The following TTC29 variants were observed in gnomAD, a reference collection of about 807,000 sequenced individuals.
The protein encoded by TTC29 is tetratricopeptide repeat protein 29.
A neutral mutation model predicts 58.1 loss-of-function variants in TTC29; 49 were observed. The ratio of observed to expected loss-of-function variants is 0.84; its 90% CI spans 0.67 to 1.07. The LOEUF (loss-of-function observed/expected upper bound fraction) is 1.07. TTC29 is among the 50% of genes least tolerant of loss of function. TTC29 has a pLI of 0.00. For synonymous variants in TTC29, 209 were observed against 196.8 expected, an observed-to-expected ratio of 1.06 and a Z score of -0.52; for missense variants, 582 against 555.6, an observed-to-expected ratio of 1.05 and a Z score of -0.48.
intron 8 of TTC29, among the ~76,000 whole-genome samples, chr4:146,838,691 G>A (rs373706591): frequency 2.2e-4 from 34 of 152,012 alleles, no homozygotes; most frequent in African/African-American, 7.7e-4. Context: ...TACTTAATGC[G>A]AATTTTTTTC....
chr4:146,728,806 C>T lies in TTC29; in HGVS notation c.1331-21255G>A, dbSNP rs1056274814. On this transcript the variant is annotated intron_variant, in intron 11 of 12. Transcript: ENST00000325106. ...ATGTGTATATATACGTATATATACA[C>T]ATATATATGTGTATATATACATATA... 8.4e-4 allele frequency among the ~76,000 whole-genome samples: 104 copies of T among 124,262 alleles called. 2 individuals are homozygous for T. The highest frequency in any genetic ancestry group is 9.6e-4 in the Non-Finnish European group (57 of 59,076). The allele number at this position is 124,262 out of a possible 152,430, so 81.5% of individuals were successfully genotyped here.
At chr4:146,737,532 AT>A (rs1243508318) in intron 11 of TTC29, among the ~76,000 whole-genome samples, 2 of 133,536 alleles carry the variant, frequency 1.5e-5, no homozygotes, top group East Asian at 4.6e-4. Flanking sequence ...TACGGGGCAG[AT>A]TATCTGGTCG....
At chr4:146,752,831 G>A (rs1391424559) in intron 11 of TTC29, among the ~76,000 whole-genome samples, 1 of 152,146 alleles carries the variant, frequency 6.6e-6, no homozygotes, top group Non-Finnish European at 1.5e-5. Context: ...AATGGTGATG[G>A]GAAAACTGGC....
chr4:146,864,110 C>T (rs2150204213), intron 8 of TTC29, among the ~76,000 whole-genome samples: 1 of 152,228 alleles, frequency 6.6e-6, no homozygotes. Context: ...AGCTCCAGAC[C>T]CTCATATTTA....
At chr4:146,714,671 A>C (rs1240538944) in intron 11 of TTC29, among the ~76,000 whole-genome samples, 1 of 152,160 alleles carries the variant, frequency 6.6e-6, no homozygotes, top group Non-Finnish European at 1.5e-5. Context: ...GAAGGCAAAA[A>C]TAAAGGCTTT....
Position 146,812,324 on chromosome 4 carries a change from A to T in TTC29, c.1101+7801T>A, listed in dbSNP as rs1181190852. ...ATTGTTTTAGGTGAGAGTCTTAATTAGGAAAATTAGAGACCACAAATAAGT... is the reference window on the plus strand; with the variant it reads ...ATTGTTTTAGGTGAGAGTCTTAATTTGGAAAATTAGAGACCACAAATAAGT... On this transcript the variant is annotated intron_variant, in intron 10 of 12. Coordinates refer to ENST00000325106, the MANE Select transcript of TTC29 (RefSeq NM_031956.4). Among the ~76,000 whole-genome samples the T allele has an allele frequency of 2.6e-5, 4 of 152,214 alleles. No individual in the cohort carries two copies. The South Asian group carries it at 8.3e-4, about 32-fold the overall frequency.
chr4:146,932,265 T>C (rs1735393439), intron 4 of TTC29, among the ~76,000 whole-genome samples: 1 of 152,218 alleles, frequency 6.6e-6, no homozygotes, highest in South Asian at 2.1e-4. Flanking sequence ...CAGGGGTTCT[T>C]CCTTCTCCTG....
At chr4:146,814,229 A>G (rs1751228893) in intron 10 of TTC29, among the ~76,000 whole-genome samples, 1 of 152,156 alleles carries the variant, frequency 6.6e-6, no homozygotes, top group Non-Finnish European at 1.5e-5. Flanking sequence ...TAATAAGAAA[A>G]TAACATGAAC....
At chr4:146,844,266 G>C (rs1008467761) in intron 8 of TTC29, among the ~76,000 whole-genome samples, 7 of 152,032 alleles carry the variant, frequency 4.6e-5, no homozygotes, top group African/African-American at 1.7e-4. Flanking sequence ...AAAGTAATGA[G>C]ACAAAATTTC....
At chr4:146,848,332 T>C (rs973977684) in intron 8 of TTC29, among the ~76,000 whole-genome samples, 2 of 152,166 alleles carry the variant, frequency 1.3e-5, no homozygotes, top group African/African-American at 4.8e-5. Flanking sequence ...ATTCCAATGC[T>C]AAGAAATAAT....
chr4:146,837,387 T>A (rs1194946895), intron 8 of TTC29, among the ~76,000 whole-genome samples: 1 of 151,996 alleles, frequency 6.6e-6, no homozygotes, highest in African/African-American at 2.4e-5. Flanking sequence ...AAAAGATAAC[T>A]GTTGGGTACT....
intron 11 of TTC29, among the ~76,000 whole-genome samples, chr4:146,730,051 A>T (rs1744213365): frequency 6.6e-6 from 1 of 152,086 alleles, no homozygotes; most frequent in Non-Finnish European, 1.5e-5. Flanking sequence ...TTGTACTCAC[A>T]CATCTTACCA....
intron 11 of TTC29, among the ~76,000 whole-genome samples, chr4:146,751,264 G>A (rs910180127): frequency 1.3e-5 from 2 of 152,134 alleles, no homozygotes; most frequent in Non-Finnish European, 2.9e-5. Flanking sequence ...TACAATAATA[G>A]TAGCAGATTT....
intron 11 of TTC29, among the ~76,000 whole-genome samples, chr4:146,748,058 C>T (rs1347828317): frequency 1.3e-5 from 2 of 152,224 alleles, no homozygotes; most frequent in Non-Finnish European, 2.9e-5. Flanking sequence ...CACGTCCCAC[C>T]ATTCCAGGGT....
At chr4:146,836,076 CT>C (rs758351818) in intron 8 of TTC29, among the ~76,000 whole-genome samples, 3 of 152,120 alleles carry the variant, frequency 2.0e-5, no homozygotes, top group African/African-American at 4.8e-5. Flanking sequence ...GCCAGGAAAT[CT>C]CTTTAAGTTG....
chr4:146,859,607 T>C (rs939053055), intron 8 of TTC29, among the ~76,000 whole-genome samples: 13 of 152,002 alleles, frequency 8.6e-5, no homozygotes, highest in Admixed American at 3.9e-4. Context: ...GAGGAATGGG[T>C]TGTGCAAAGT....
chr4:146,845,919 GT>G (rs1375144241), intron 8 of TTC29, among the ~76,000 whole-genome samples: 1 of 152,046 alleles, frequency 6.6e-6, no homozygotes, highest in Non-Finnish European at 1.5e-5. Context: ...TAGTTAGACT[GT>G]AAGTGCCCTG....
chr4:146,740,751 A>C (rs542585702), intron 11 of TTC29, among the ~76,000 whole-genome samples: 118 of 152,276 alleles, frequency 7.7e-4, no homozygotes, highest in African/African-American at 2.8e-3. Flanking sequence ...AGTCTCACTC[A>C]AGCCACTTCA....
intron 4 of TTC29, among the ~76,000 whole-genome samples, chr4:146,914,650 C>A (rs1734102009): frequency 6.6e-6 from 1 of 152,082 alleles, no homozygotes; most frequent in Admixed American, 6.6e-5. Context: ...TTTGCCACTG[C>A]AGATACTTGG....
Sources: gnomAD v4.1 joint callset for allele counts (sites outside exome capture counted in the v4.1 genomes callset) on GRCh38, gnomAD v4.1.1 for gene constraint, MANE v1.5 for transcripts, NCBI Gene and HGNC (gene_info 2026-07-23, HGNC 2026-07-21) for gene names.